Variants in DIXDC1 observed in about 807,000 individuals in gnomAD.
The protein encoded by DIXDC1 is dixin.
A neutral mutation model predicts 103.1 loss-of-function variants in DIXDC1; 64 were observed. The observed-to-expected ratio is 0.62, with a 90% CI of 0.51 to 0.76. The LOEUF is 0.76. Ranked by LOEUF, DIXDC1 falls within the 30% of genes least tolerant of loss-of-function variation. DIXDC1 has a pLI of 0.00. For synonymous variants in DIXDC1, 266 were observed against 298.5 expected (o/e 0.89, Z 1.12); for missense variants, 759 against 834.2 (o/e 0.91, Z 1.11).
upstream of DIXDC1, among the ~76,000 whole-genome samples, chr11:111,932,453 G>T (rs138924749): frequency 0.011 from 1,741 of 151,932 alleles, 30 homozygotes; most frequent in African/African-American, 0.036. Context: ...GGGCGTGGTG[G>T]CGGACGCCTG....
At chr11:111,984,015 C>T (rs886199889) in intron 7 of DIXDC1, among the ~76,000 whole-genome samples, 5 of 152,144 alleles carry the variant, frequency 3.3e-5, no homozygotes, top group African/African-American at 4.8e-5. Flanking sequence ...CTTAGCTCCC[C>T]GCGGCCCTGG....
chr11:111,931,688 A>T (rs1966023529), intron 2 of DIXDC1, among the ~76,000 whole-genome samples: 1 of 152,126 alleles, frequency 6.6e-6, no homozygotes, highest in Non-Finnish European at 1.5e-5. Flanking sequence ...TACATCAAAG[A>T]CTGTCAACAT....
intron 1 of DIXDC1, among the ~76,000 whole-genome samples, chr11:111,927,698 A>T (rs1370051280): frequency 2.0e-5 from 3 of 152,098 alleles, no homozygotes; most frequent in African/African-American, 4.8e-5. Context: ...ATGAAATTGT[A>T]GCACACGCAC....
In DIXDC1 at chr11:111,980,100, C is replaced by A. The variant is rs1001762305; in HGVS notation, c.657-637C>A. On this transcript the variant is annotated intron_variant, in intron 5 of 19. Transcript: ENST00000440460. ...CCACTATTCCTAGCAGGTCTTTCCC[C>A]TTTTGACATATTATCTTCCCCTTGT... Among the ~76,000 whole-genome samples the A allele has an allele frequency of 2.0e-5, 3 of 152,322 alleles. No individual in the cohort carries two copies. The East Asian group carries it at 5.8e-4, about 29-fold the overall frequency.
At chr11:111,937,650 T>C (rs1966259512) in intron 1 of DIXDC1, 91 bp downstream of exon 1, 1 of 1,359,836 alleles carries the variant, frequency 7.4e-7, no homozygotes, top group Admixed American at 2.0e-5. Context: ...CCTCCATCCT[T>C]TGGGGACCCC....
chr11:111,993,923 C>T (rs1001059241), intron 14 of DIXDC1, among the ~76,000 whole-genome samples, 183 bp downstream of exon 14: 3 of 152,220 alleles, frequency 2.0e-5, no homozygotes, highest in Non-Finnish European at 2.9e-5. Flanking sequence ...ATCACTCCTA[C>T]ATTCTGTGGC....
chr11:111,949,193 T>C (rs1445614967), intron 1 of DIXDC1, among the ~76,000 whole-genome samples: 4 of 152,094 alleles, frequency 2.6e-5, no homozygotes, highest in African/African-American at 9.7e-5. Context: ...GGCAAACTTA[T>C]CTAGATACTC....
intron 2 of DIXDC1, among the ~76,000 whole-genome samples, chr11:111,930,599 A>G (rs1286334323): frequency 6.6e-6 from 1 of 152,228 alleles, no homozygotes; most frequent in Non-Finnish European, 1.5e-5. Flanking sequence ...CACGTTTGGT[A>G]AACATTATAA....
chr11:112,002,808 C>T (rs1446620532), intron 17 of DIXDC1, among the ~76,000 whole-genome samples: 3 of 152,102 alleles, frequency 2.0e-5, no homozygotes, highest in Admixed American at 6.6e-5. Context: ...TAAACAAAAA[C>T]ACAATAGCCA....
At position 111,977,364 on chromosome 11, in the gene DIXDC1, G is replaced by A. The variant is rs1039737241; in HGVS notation, c.656+2381G>A. On this transcript the variant is annotated intron_variant, in intron 5 of 19. Transcript: ENST00000440460. This position sits in a 1 kb window ranked among gnomAD's most constrained non-coding sequence, Gnocchi z 6.1. ...GCTGGGGACTCGAGGCGCAGCCTGCGCCGCCGGGAGCCTCCCTCCCAGTGG... is the reference window on the plus strand; with the variant it reads ...GCTGGGGACTCGAGGCGCAGCCTGCACCGCCGGGAGCCTCCCTCCCAGTGG... 32 of 1,067,570 alleles carry A rather than the reference G, an allele frequency of 3.0e-5. No homozygotes were observed. The African/African-American group carries it at 4.8e-4, about 16-fold the overall frequency. The allele number at this position is 1,067,570 out of a possible 1,614,324, so 66.1% of individuals were successfully genotyped here.
chr11:111,993,674 T>C lies in DIXDC1; in HGVS notation c.1371T>C (p.Asp457=). The part of the protein sequence containing the change: ...KLSDVSYHQV[D]LERELEHKDV... ...ATTTAGTGTCTATTTTGCAGGTGGATCTAGAGCGAGAGCTAGAACACAAAG... is the reference window on the plus strand; with the variant it reads ...ATTTAGTGTCTATTTTGCAGGTGGACCTAGAGCGAGAGCTAGAACACAAAG... Residue 457 remains aspartate (D), a synonymous_variant, in exon 14 of 20, where the codon GAT becomes GAC. Coordinates refer to ENST00000440460, the MANE Select transcript of DIXDC1 (RefSeq NM_001037954.4). 6.2e-7 allele frequency: 1 copy of C among 1,614,034 alleles called. No homozygotes were observed. The highest frequency in any genetic ancestry group is 8.5e-7 in the Non-Finnish European group (1 of 1,179,888).
chr11:112,010,211 G>A (rs782701352), intron 17 of DIXDC1, among the ~76,000 whole-genome samples: 45 of 152,110 alleles, frequency 3.0e-4, no homozygotes, highest in African/African-American at 1.0e-3. Flanking sequence ...CAATTGCTAC[G>A]AAGAGAATAA....
chr11:112,016,795 A>T lies in DIXDC1; in HGVS notation c.1861A>T (p.Arg621Trp), dbSNP rs782575012. ...GCCCTTCATGGTCAATATACCAAAG[A>T]GGTGAGATTCTGGGATCATTGTATT... is the stretch of plus-strand genomic sequence containing the variant. ...LTPFMVNIPK[R>W]LEEVTLKDFK... The change falls in exon 18 of 20, where the codon AGG (arginine) becomes TGG (tryptophan). Residue 621 changes from arginine (R) to tryptophan (W), a missense_variant and splice_region_variant. By Grantham distance (101) the Arg-to-Trp change is moderately radical. This residue lies in a region of DIXDC1 where 657 missense variants were observed against 727.5 expected (regional missense o/e 0.90). Coordinates refer to ENST00000440460, the MANE Select transcript of DIXDC1 (RefSeq NM_001037954.4). The T allele has an allele frequency of 4.4e-6, 7 of 1,601,248 alleles. No homozygotes were observed. The highest frequency in any genetic ancestry group is 6.0e-6 in the Non-Finnish European group (7 of 1,172,636).
intron 17 of DIXDC1, among the ~76,000 whole-genome samples, chr11:112,006,524 C>A (rs953208275): frequency 1.3e-5 from 2 of 152,222 alleles, no homozygotes; most frequent in Admixed American, 6.5e-5. Flanking sequence ...CTGGGAGACA[C>A]CTCCCAGTAG....
At position 111,974,119 on chromosome 11, in the gene DIXDC1, G is replaced by A. The variant is rs587723931; in HGVS notation, c.413G>A (p.Arg138Gln). 27 of 1,614,008 alleles carry A rather than the reference G, an allele frequency of 1.7e-5. No homozygotes were observed. In the Admixed American group the frequency reaches 2.0e-4, roughly 12 times the overall value. Residue 138 changes from arginine to glutamine, a missense_variant, in exon 4 of 20, where the codon CGG becomes CAG. Physicochemically the swap from Arg to Gln is conservative, Grantham distance 43. Around this residue, in one of 3 missense-constraint regions of DIXDC1, gnomAD observed 657 missense variants for 727.5 expected, o/e 0.90. Transcript: ENST00000440460. ...TCCAGCAGGACGGTGAACCAAGGAC[G>A]GGACTCCAGAGCCCCTCTGCAAAGT... Reference protein sequence around the residue: ...PGSSRTVNQGRDSRAPLQSHR... With the variant: ...PGSSRTVNQGQDSRAPLQSHR...
At chr11:111,963,261 G>T (rs1339605666) in intron 1 of DIXDC1, among the ~76,000 whole-genome samples, 1 of 152,182 alleles carries the variant, frequency 6.6e-6, no homozygotes, top group Non-Finnish European at 1.5e-5. Context: ...TAAAACATGG[G>T]TCAAACACCA....
In DIXDC1 at chr11:111,977,888, G is replaced by T. The variant is rs1301313124; in HGVS notation, c.657-2849G>T. On this transcript the variant is annotated intron_variant, in intron 5 of 19. Transcript: ENST00000440460. This position sits in a 1 kb window ranked among gnomAD's most constrained non-coding sequence, Gnocchi z 6.1. Reference sequence around the variant, plus strand: ...GCTGTTGGCCGGAGACAGGCGGGGTGGTGGGAGCATTATGTTGGGAGGACC... The same window carrying T: ...GCTGTTGGCCGGAGACAGGCGGGGTTGTGGGAGCATTATGTTGGGAGGACC... The T allele has an allele frequency of 1.6e-5, 23 of 1,443,608 alleles. No homozygotes were observed. The highest frequency in any genetic ancestry group is 2.0e-5 in the Non-Finnish European group (22 of 1,091,074). 89.4% of individuals were successfully genotyped at this position (1,443,608 alleles called of 1,614,324 possible). A position where few individuals can be genotyped will look rare whatever the true frequency, so the allele number is the denominator to read the frequency against.
intron 4 of DIXDC1, among the ~76,000 whole-genome samples, chr11:111,974,522 CA>C (rs1463318305): frequency 2.0e-5 from 3 of 152,176 alleles, no homozygotes; most frequent in African/African-American, 7.2e-5. Context: ...ACACTTTTGG[CA>C]CAGTGTGTTT....
At chr11:111,959,951 C>G (rs1387503161) in intron 1 of DIXDC1, among the ~76,000 whole-genome samples, 7 of 151,984 alleles carry the variant, frequency 4.6e-5, no homozygotes, top group African/African-American at 1.7e-4. Context: ...ATTCTGTCGC[C>G]CAGGCTGGAG....
Sources: allele counts gnomAD v4.1 joint callset (sites outside exome capture counted in the v4.1 genomes callset), GRCh38; gene constraint gnomAD v4.1.1; regional missense constraint gnomAD v4.1.1; non-coding constraint Gnocchi (gnomAD v3.1); transcripts MANE v1.5; gene names NCBI Gene and HGNC (gene_info 2026-07-23, HGNC 2026-07-21).